The following CRMP1 variants were observed in gnomAD, a reference collection of about 807,000 sequenced individuals.
CRMP1 encodes the protein dihydropyrimidinase-related protein 1.
A neutral mutation model predicts 68.3 loss-of-function variants in CRMP1; 19 were observed. The ratio of observed to expected loss-of-function variants is 0.28; its 90% CI spans 0.19 to 0.41. The LOEUF (loss-of-function observed/expected upper bound fraction) is 0.41. Among genes scored for constraint, CRMP1 ranks in the 10% least tolerant of loss-of-function variants. The pLI is 1.00. For synonymous variants in CRMP1, 439 were observed against 399.6 expected (o/e 1.10, Z -1.18); for missense variants, 791 against 967.4 (o/e 0.82, Z 2.42).
At chr4:5,827,943 A>G (rs1044591220) in intron 12 of CRMP1, 20 of 682,950 alleles carry the variant, frequency 2.9e-5, no homozygotes, top group Non-Finnish European at 3.6e-5. Flanking sequence ...AGATGTCCTG[A>G]GGTCAGTGCT....
Position 5,888,290 on chromosome 4 carries a change from C to G in CRMP1, c.381+4299G>C, listed in dbSNP as rs769705183. 4.4e-5 allele frequency: 56 copies of G among 1,264,750 alleles called. No individual in the cohort carries two copies. The highest frequency in any genetic ancestry group is 4.4e-5 in the Non-Finnish European group (44 of 998,898). The allele number at this position is 1,264,750 out of a possible 1,614,324, so 78.3% of individuals were successfully genotyped here. On this transcript the variant is annotated intron_variant, in intron 1 of 13. Transcript: ENST00000324989. The surrounding 1 kb of genome is among the most constrained non-coding windows in gnomAD (Gnocchi z 6.4). ...ATGGCCCCCTCTGGCGCCCTCGGCCCGGCCGCTGACCTGCGGGGCTGTCTG... is the reference window on the plus strand; with the variant it reads ...ATGGCCCCCTCTGGCGCCCTCGGCCGGGCCGCTGACCTGCGGGGCTGTCTG...
chr4:5,875,183 CA>C (rs11291252), intron 1 of CRMP1, among the ~76,000 whole-genome samples: 152,052 of 152,172 alleles, frequency 1, 75,967 homozygotes, highest in African/African-American at 1. Flanking sequence ...ATCCACAGAA[CA>C]AAAAAAACAA....
At chr4:5,831,657 C>T (rs556202006) in intron 11 of CRMP1, among the ~76,000 whole-genome samples, 2 of 152,200 alleles carry the variant, frequency 1.3e-5, no homozygotes, top group Non-Finnish European at 2.9e-5. Context: ...GTCCCTACTC[C>T]TGGGTGAGGA....
At chr4:5,884,414 C>T (rs1331566647) in intron 1 of CRMP1, among the ~76,000 whole-genome samples, 3 of 152,010 alleles carry the variant, frequency 2.0e-5, no homozygotes. Context: ...CACACAAACA[C>T]ATTTACACAC....
intron 1 of CRMP1, among the ~76,000 whole-genome samples, chr4:5,871,183 G>A (rs1434670213): frequency 6.6e-6 from 1 of 152,150 alleles, no homozygotes; most frequent in East Asian, 1.9e-4. Context: ...GTCTACTTCT[G>A]AAAAAATAAG....
chr4:5,835,491 C>T (rs908333950), intron 11 of CRMP1, among the ~76,000 whole-genome samples: 1 of 152,234 alleles, frequency 6.6e-6, no homozygotes, highest in African/African-American at 2.4e-5. Flanking sequence ...CCTTTCCTGT[C>T]TATTAGCAGC....
chr4:5,887,465 C>T lies in CRMP1; in HGVS notation c.381+5124G>A, dbSNP rs184157067. 21 of 985,504 alleles carry T rather than the reference C, an allele frequency of 2.1e-5. 1 individual carries two copies. The East Asian group carries it at 2.0e-3, about 96-fold the overall frequency. 61.0% of individuals were successfully genotyped at this position (985,504 alleles called of 1,614,324 possible). A position where few individuals can be genotyped will look rare whatever the true frequency, so the allele number is the denominator to read the frequency against. On this transcript the variant is annotated intron_variant, in intron 1 of 13. Coordinates refer to ENST00000324989, the MANE Select transcript of CRMP1 (RefSeq NM_001014809.3). ...GCCAGGCAGGAACTGGGGCGGAGGG[C>T]CAGCTCCTGACCGCTGCGCCCTCAG...
rs1720012707 is a variant in CRMP1, at chr4:5,828,327, C to G, written c.1803+162G>C. ...TTTGATGCTCACTCCTGTCCTCAGACAGGAGCCCAGGCCAGCGTCTCAACC... is the reference window on the plus strand; with the variant it reads ...TTTGATGCTCACTCCTGTCCTCAGAGAGGAGCCCAGGCCAGCGTCTCAACC... On this transcript the variant is annotated intron_variant, in intron 12 of 13. Transcript: ENST00000324989. 3.0e-6 allele frequency: 3 copies of G among 985,056 alleles called. No homozygotes were observed. In the South Asian group the frequency reaches 1.4e-4, roughly 46 times the overall value. 61.0% of individuals were successfully genotyped at this position (985,056 alleles called of 1,614,324 possible).
In CRMP1 at chr4:5,866,806, A is replaced by G; in HGVS notation, c.382-50T>C. 7.3e-7 allele frequency: 1 copy of G among 1,366,082 alleles called. No homozygotes were observed. The highest frequency in any genetic ancestry group is 2.4e-5 in the East Asian group (1 of 41,642). The allele number at this position is 1,366,082 out of a possible 1,614,324, so 84.6% of individuals were successfully genotyped here. On this transcript the variant is annotated intron_variant, in intron 1 of 13. Coordinates refer to ENST00000324989, the MANE Select transcript of CRMP1 (RefSeq NM_001014809.3). This position sits in a 1 kb window ranked among gnomAD's most constrained non-coding sequence, Gnocchi z 5.9. The stretch of plus-strand genomic sequence containing the variant: ...GGATCCTTGGTGAAAAGCCAGGATA[A>G]AGTTTTTTCTTTTTAATTTTTAATA...
intron 3 of CRMP1, 25 bp from the exon 4 acceptor site, chr4:5,856,332 G>C: frequency 1.9e-6 from 3 of 1,609,112 alleles, no homozygotes; most frequent in Non-Finnish European, 2.5e-6. Context: ...TATGCATCAT[G>C]ATGCTTCAGA....
chr4:5,874,171 C>CA (rs1285502131), intron 1 of CRMP1, among the ~76,000 whole-genome samples: 9 of 152,118 alleles, frequency 5.9e-5, no homozygotes, highest in African/African-American at 1.9e-4. Flanking sequence ...AACAGGGTCA[C>CA]AAAATGATAC....
intron 13 of CRMP1, among the ~76,000 whole-genome samples, chr4:5,822,379 A>G (rs562454358): frequency 2.0e-5 from 3 of 150,464 alleles, no homozygotes; most frequent in African/African-American, 7.3e-5. Flanking sequence ...CTCCAAAGGT[A>G]TTTTACATAT....
At chr4:5,839,838 C>T (rs554801523) in intron 8 of CRMP1, among the ~76,000 whole-genome samples, 160 bp from the exon 9 acceptor site, 1 of 152,260 alleles carries the variant, frequency 6.6e-6, no homozygotes, top group Non-Finnish European at 1.5e-5. Flanking sequence ...ACCGCAGGGA[C>T]CTTGGGTGTC....
chr4:5,892,469 C>A lies in CRMP1; in HGVS notation c.381+120G>T. ...GGGGGAGGGGCCGCGCCGTGGCTCT[C>A]CCCAGCCTGGCGGCCGCTGCCCCAA... On this transcript the variant is annotated intron_variant, in intron 1 of 13. Transcript: ENST00000324989. The surrounding 1 kb of genome is among the most constrained non-coding windows in gnomAD (Gnocchi z 8.6). The A allele has an allele frequency of 9.7e-7, 1 of 1,029,672 alleles. No individual in the cohort carries two copies. Among genetic ancestry groups the A allele is most frequent in the Non-Finnish European group, 1.2e-6 (1 of 832,024 alleles). The allele number at this position is 1,029,672 out of a possible 1,614,324, so 63.8% of individuals were successfully genotyped here.
intron 1 of CRMP1, among the ~76,000 whole-genome samples, chr4:5,884,320 G>A (rs549855790): frequency 9.9e-5 from 15 of 152,182 alleles, no homozygotes; most frequent in African/African-American, 3.4e-4. Context: ...GCAACAAATC[G>A]AGCCTGATGT....
Position 5,834,295 on chromosome 4 carries a change from A to G in CRMP1, c.1623+1620T>C, listed in dbSNP as rs1039711824. 1.3e-5 allele frequency among the ~76,000 whole-genome samples: 2 copies of G among 152,206 alleles called. No homozygotes were observed. The highest frequency in any genetic ancestry group is 2.9e-5 in the Non-Finnish European group (2 of 68,042). On this transcript the variant is annotated intron_variant, in intron 11 of 13. Coordinates refer to ENST00000324989, the MANE Select transcript of CRMP1 (RefSeq NM_001014809.3). The surrounding 1 kb of genome is among the most constrained non-coding windows in gnomAD (Gnocchi z 4.3). ...CATTGCAATGGTATTAAGATGTGAG[A>G]CCATTAAGAGCTGATTAGGTCATGA...
chr4:5,831,725 T>C (rs1326888814), intron 11 of CRMP1, among the ~76,000 whole-genome samples: 2 of 152,192 alleles, frequency 1.3e-5, no homozygotes. Context: ...GCCCTGGTCA[T>C]ATCACAAATG....
chr4:5,871,791 G>A (rs1714473331), intron 1 of CRMP1, among the ~76,000 whole-genome samples: 1 of 152,220 alleles, frequency 6.6e-6, no homozygotes, highest in South Asian at 2.1e-4. Flanking sequence ...GGAGAATTGA[G>A]TTGATATCTT....
At chr4:5,876,164 A>G (rs949726259) in intron 1 of CRMP1, among the ~76,000 whole-genome samples, 58 of 152,120 alleles carry the variant, frequency 3.8e-4, no homozygotes, top group African/African-American at 1.3e-3. Context: ...AAAAAAAAAA[A>G]AAGTTTTGTT....
Sources: allele counts gnomAD v4.1 joint callset (sites outside exome capture counted in the v4.1 genomes callset), GRCh38; gene constraint gnomAD v4.1.1; non-coding constraint Gnocchi (gnomAD v3.1); transcripts MANE v1.5; gene names NCBI Gene and HGNC (gene_info 2026-07-23, HGNC 2026-07-21).